Variants in TTLL4 observed in about 807,000 individuals in gnomAD.
The protein encoded by TTLL4 is tubulin tyrosine ligase like 4.
Under a neutral mutation model 122.7 loss-of-function variants are expected in TTLL4, and 85 were observed. That is an observed-to-expected ratio of 0.69 (90% confidence interval 0.58 to 0.83). The LOEUF (loss-of-function observed/expected upper bound fraction) is 0.83, where lower values mean the gene tolerates loss of function less well. Among genes scored for constraint, TTLL4 ranks in the 40% least tolerant of loss-of-function variants. The pLI is 0.00. For synonymous variants in TTLL4, 553 were observed against 563.0 expected (o/e 0.98, Z 0.25); for missense variants, 1,363 against 1,488.6 (o/e 0.92, Z 1.39).
chr2:218,711,373 C>T (rs374294628), intron 1 of TTLL4, among the ~76,000 whole-genome samples: 7 of 152,202 alleles, frequency 4.6e-5, no homozygotes, highest in African/African-American at 1.7e-4. Flanking sequence ...GTTTAAATTC[C>T]CTCTGGGTGT....
At chr2:218,725,572 T>G (rs1403998872) in intron 1 of TTLL4, among the ~76,000 whole-genome samples, 1 of 152,174 alleles carries the variant, frequency 6.6e-6, no homozygotes, top group Non-Finnish European at 1.5e-5. Flanking sequence ...CTTTTTTTTT[T>G]GGAGACAAAG....
chr2:218,724,522 C>T (rs954964800), intron 1 of TTLL4, among the ~76,000 whole-genome samples: 1 of 152,082 alleles, frequency 6.6e-6, no homozygotes, highest in Admixed American at 6.5e-5. Context: ...GAGAACATGC[C>T]GTATTTGTCT....
At position 218,737,998 on chromosome 2, in the gene TTLL4, C is replaced by T; in HGVS notation, c.322C>T (p.Leu108Phe). 1.9e-6 allele frequency: 3 copies of T among 1,614,224 alleles called. No individual in the cohort carries two copies. The highest frequency in any genetic ancestry group is 2.5e-6 in the Non-Finnish European group (3 of 1,180,046). The change falls in exon 3 of 20, where the codon CTC becomes TTC. Residue 108 changes from leucine (L) to phenylalanine (F), a missense_variant. Physicochemically the swap from Leu to Phe is conservative, Grantham distance 22. Transcript: ENST00000392102. Reference sequence around the variant, plus strand: ...CAGCAGTTCCTGTTACCTACACTCTCTCCCGGACTTGTTCAACAGCACCCT... The same window carrying T: ...CAGCAGTTCCTGTTACCTACACTCTTTCCCGGACTTGTTCAACAGCACCCT... Reference protein sequence around the residue: ...GHSSSCYLHSLPDLFNSTLLY... With the variant: ...GHSSSCYLHSFPDLFNSTLLY...
At chr2:218,758,715 A>G (rs1309037393), downstream of TTLL4, among the ~76,000 whole-genome samples, 2 of 152,244 alleles carry the variant, frequency 1.3e-5, no homozygotes, top group Non-Finnish European at 2.9e-5. Flanking sequence ...TATGATACTG[A>G]GATATTGAGA....
At chr2:218,745,896 G>A in intron 7 of TTLL4, 95 bp downstream of exon 7, 1 of 1,147,466 alleles carries the variant, frequency 8.7e-7, no homozygotes, top group Non-Finnish European at 1.3e-6. Flanking sequence ...GCCTATGTCG[G>A]GGCAGCTGGG....
Position 218,746,403 on chromosome 2 carries a change from A to T in TTLL4, c.1974+172A>T, listed in dbSNP as rs1942844048. The T allele has an allele frequency of 4.7e-5, 30 of 641,362 alleles. No homozygotes were observed. In the South Asian group the frequency reaches 5.6e-4, roughly 12 times the overall value. 39.7% of individuals were successfully genotyped at this position (641,362 alleles called of 1,614,324 possible). On this transcript the variant is annotated intron_variant, in intron 8 of 19. Coordinates refer to ENST00000392102, the MANE Select transcript of TTLL4 (RefSeq NM_014640.5). ...GGGGTACAGTGAGAGACTCCAGTGGATCACGTACATCTCCAGTTCAGCTGC... is the reference window on the plus strand; with the variant it reads ...GGGGTACAGTGAGAGACTCCAGTGGTTCACGTACATCTCCAGTTCAGCTGC...
At chr2:218,734,432 A>G (rs1942460402) in intron 2 of TTLL4, among the ~76,000 whole-genome samples, 1 of 152,178 alleles carries the variant, frequency 6.6e-6, no homozygotes, top group Non-Finnish European at 1.5e-5. Context: ...TCCTAGTGTG[A>G]TGAGTTAGTT....
At position 218,747,244 on chromosome 2, in the gene TTLL4, C is replaced by G; in HGVS notation, c.2167-46C>G. On this transcript the variant is annotated intron_variant, in intron 9 of 19. Coordinates refer to ENST00000392102, the MANE Select transcript of TTLL4 (RefSeq NM_014640.5). The surrounding 1 kb of genome is among the most constrained non-coding windows in gnomAD (Gnocchi z 4.7). Reference sequence around the variant, plus strand: ...GACTATGGTCTGTGAGTGGGAACAACAGAGTATTGGACCTGGAGCAAATCT... The same window carrying G: ...GACTATGGTCTGTGAGTGGGAACAAGAGAGTATTGGACCTGGAGCAAATCT... The G allele has an allele frequency of 6.2e-7, 1 of 1,614,064 alleles. No individual in the cohort carries two copies. The highest frequency in any genetic ancestry group is 8.5e-7 in the Non-Finnish European group (1 of 1,179,958).
chr2:218,744,813 C>G (rs1356950383), intron 5 of TTLL4, among the ~76,000 whole-genome samples: 2 of 152,200 alleles, frequency 1.3e-5, no homozygotes, highest in Non-Finnish European at 2.9e-5. Flanking sequence ...AGAACTACTC[C>G]TGTCAGGGAC....
chr2:218,722,945 T>C (rs2106400696), intron 1 of TTLL4, among the ~76,000 whole-genome samples: 1 of 152,350 alleles, frequency 6.6e-6, no homozygotes, highest in Non-Finnish European at 1.5e-5. Context: ...GTTTCTGTGT[T>C]GTATGGAGGC....
intron 2 of TTLL4, among the ~76,000 whole-genome samples, chr2:218,736,619 G>A (rs1233387362): frequency 1.3e-5 from 2 of 152,080 alleles, no homozygotes; most frequent in South Asian, 2.1e-4. Context: ...CTGGTGTTTA[G>A]TTCAATTTCC....
At chr2:218,743,004 C>T (rs1011831360) in intron 5 of TTLL4, among the ~76,000 whole-genome samples, 6 of 151,892 alleles carry the variant, frequency 4.0e-5, no homozygotes, top group Middle Eastern at 3.4e-3. Context: ...ATTAGCTGGG[C>T]GTGATGGTGG....
At chr2:218,721,712 G>A (rs1942045555) in intron 1 of TTLL4, among the ~76,000 whole-genome samples, 1 of 152,184 alleles carries the variant, frequency 6.6e-6, no homozygotes, top group Admixed American at 6.5e-5. Flanking sequence ...TATTTAATGA[G>A]CCCTGATTAC....
At chr2:218,746,740 G>T in intron 8 of TTLL4, 1 of 506,354 alleles carries the variant, frequency 2.0e-6, no homozygotes, top group Non-Finnish European at 3.5e-6. Flanking sequence ...AGGGTTTCAT[G>T]GATAAAGATG....
In TTLL4 at chr2:218,738,363, A is replaced by G. The variant is rs1391567987; in HGVS notation, c.687A>G (p.Pro229=). 1 of 1,614,036 alleles carries G rather than the reference A, an allele frequency of 6.2e-7. No homozygotes were observed. Among genetic ancestry groups the G allele is most frequent in the Non-Finnish European group, 8.5e-7 (1 of 1,180,040 alleles). Residue 229 remains proline, a synonymous_variant, in exon 3 of 20, where the codon CCA becomes CCG. Coordinates refer to ENST00000392102, the MANE Select transcript of TTLL4 (RefSeq NM_014640.5). ...CCTTCATGTGGCCAAATAGCACGCC[A>G]GTGCCTTTATTGCAGACCACACAGG... The part of the protein sequence containing the change: ...NNSFMWPNST[P]VPLLQTTQGL...
intron 1 of TTLL4, among the ~76,000 whole-genome samples, chr2:218,723,894 C>A (rs935572480): frequency 6.6e-6 from 1 of 152,084 alleles, no homozygotes; most frequent in African/African-American, 2.4e-5. Flanking sequence ...ATTGATGGGA[C>A]AGTTGGCAAT....
chr2:218,725,632 C>A (rs548252354), intron 1 of TTLL4, among the ~76,000 whole-genome samples: 7 of 151,816 alleles, frequency 4.6e-5, no homozygotes, highest in Admixed American at 4.6e-4. Context: ...CTCGGCTCAC[C>A]GCAACCTCCA....
At position 218,739,151 on chromosome 2, in the gene TTLL4, A is replaced by T. The variant is rs754446247; in HGVS notation, c.1475A>T (p.Asp492Val). The T allele has an allele frequency of 5.0e-6, 8 of 1,612,416 alleles. No homozygotes were observed. The highest frequency in any genetic ancestry group is 6.8e-6 in the Non-Finnish European group (8 of 1,179,762). ...GAGGCCAGGGAGCTGGACTCATCTG[A>T]TAGGGATATTAGGTATGTTGGCAAT... ...PEEARELDSS[D>V]RDISSATDLQ... The change falls in exon 3 of 20, where the codon GAT becomes GTT. Residue 492 changes from aspartate to valine, a missense_variant. By Grantham distance (152) the Asp-to-Val change is radical. Around this residue, in one of 3 missense-constraint regions of TTLL4, gnomAD observed 760 missense variants for 808.4 expected, o/e 0.94. Coordinates refer to ENST00000392102, the MANE Select transcript of TTLL4 (RefSeq NM_014640.5).
intron 1 of TTLL4, among the ~76,000 whole-genome samples, chr2:218,716,862 A>G (rs568940751): frequency 3.0e-4 from 45 of 152,368 alleles, no homozygotes; most frequent in African/African-American, 9.4e-4. Flanking sequence ...GTGGAAAAGT[A>G]TAGTGGGTAA....
Sources: gnomAD v4.1 joint callset for allele counts (sites outside exome capture counted in the v4.1 genomes callset) on GRCh38, gnomAD v4.1.1 for gene constraint, gnomAD v4.1.1 regional missense constraint, Gnocchi (gnomAD v3.1) non-coding constraint, MANE v1.5 for transcripts, NCBI Gene and HGNC (gene_info 2026-07-23, HGNC 2026-07-21) for gene names.